The following PTPRE variants were observed in gnomAD, a reference collection of about 807,000 sequenced individuals.
PTPRE encodes the protein protein tyrosine phosphatase receptor type E, also known as receptor-type tyrosine-protein phosphatase epsilon.
Under a neutral mutation model 102.0 loss-of-function variants are expected in PTPRE, and 51 were observed. That is an observed-to-expected ratio of 0.50 (90% CI 0.40 to 0.63). PTPRE has a LOEUF of 0.63. Among genes scored for constraint, PTPRE ranks in the 30% least tolerant of loss-of-function variants. The probability of loss-of-function intolerance (pLI) is 0.00; values close to 1 mark genes in which losing one functional copy is unlikely to be tolerated. For missense variants in PTPRE, 752 were observed against 915.1 expected (o/e 0.82, Z 2.30); for synonymous variants, 345 against 348.2 (o/e 0.99, Z 0.10).
intron 9 of PTPRE, among the ~76,000 whole-genome samples, chr10:128,062,356 A>G (rs892209102): frequency 1.3e-5 from 2 of 152,210 alleles, no homozygotes; most frequent in Non-Finnish European, 2.9e-5. Flanking sequence ...AAGGACACAC[A>G]TGTGCACACG....
chr10:127,968,502 G>C (rs902349128), intron 1 of PTPRE, among the ~76,000 whole-genome samples: 2 of 152,254 alleles, frequency 1.3e-5, no homozygotes, highest in African/African-American at 2.4e-5. Flanking sequence ...CAGTCAGCCA[G>C]AGCTCAGGGC....
At chr10:128,082,791 T>C in intron 20 of PTPRE, 41 bp from the exon 21 acceptor site, 1 of 1,523,710 alleles carries the variant, frequency 6.6e-7, no homozygotes, top group Non-Finnish European at 8.7e-7. Context: ...AAATATATTT[T>C]TGGGAATATC....
chr10:127,921,558 GGTGATGCCAGGGAT>G (rs1846606703), intron 1 of PTPRE, among the ~76,000 whole-genome samples: 1 of 152,194 alleles, frequency 6.6e-6, no homozygotes, highest in Admixed American at 6.5e-5. Context: ...AACTGGGGGA[GGTGATGCCAGGGAT>G]GTGGACGTCT....
At chr10:127,939,822 A>G (rs985027294) in intron 1 of PTPRE, among the ~76,000 whole-genome samples, 17 of 115,192 alleles carry the variant, frequency 1.5e-4, no homozygotes, top group African/African-American at 1.3e-4. Context: ...GGAGACAGGA[A>G]GAAGCAGGTG....
intron 1 of PTPRE, among the ~76,000 whole-genome samples, chr10:127,963,522 T>C (rs1323857594): frequency 6.6e-6 from 1 of 152,224 alleles, no homozygotes; most frequent in African/African-American, 2.4e-5. Flanking sequence ...TTATGCTTTG[T>C]CTTTGATAAA....
chr10:128,085,713 A>G lies in PTPRE; in HGVS notation c.*2807A>G, dbSNP rs1316048025. 1 of 152,498 alleles carries G rather than the reference A, an allele frequency of 6.6e-6. No individual in the cohort carries two copies. The highest frequency in any genetic ancestry group is 1.5e-5 in the Non-Finnish European group (1 of 68,020). The allele number at this position is 152,498 out of a possible 1,614,324, so 9.4% of individuals were successfully genotyped here. On this transcript the variant is annotated 3_prime_UTR_variant, in exon 21 of 21. Transcript: ENST00000254667. ...ATGTATGTATGTTATTACAGTTTCA[A>G]CTATCATATTTTCTTTGATTACATT...
intron 6 of PTPRE, among the ~76,000 whole-genome samples, chr10:128,052,667 A>G (rs1304672222): frequency 6.6e-6 from 1 of 152,178 alleles, no homozygotes; most frequent in African/African-American, 2.4e-5. Context: ...TGGGCCAAGG[A>G]AAATCCCCCG....
At chr10:127,995,579 C>T (rs1429979729) in intron 2 of PTPRE, among the ~76,000 whole-genome samples, 1 of 152,182 alleles carries the variant, frequency 6.6e-6, no homozygotes, top group African/African-American at 2.4e-5. Flanking sequence ...CCAAGCCTTT[C>T]TGTGATTTCA....
chr10:128,027,033 T>A (rs1163680237), intron 2 of PTPRE, among the ~76,000 whole-genome samples: 3 of 152,202 alleles, frequency 2.0e-5, no homozygotes, highest in Admixed American at 6.5e-5. Flanking sequence ...ACAGGTGCAG[T>A]ATTAGATACA....
At chr10:127,918,358 A>G (rs1392111641) in intron 1 of PTPRE, among the ~76,000 whole-genome samples, 2 of 152,058 alleles carry the variant, frequency 1.3e-5, no homozygotes, top group African/African-American at 4.8e-5. Context: ...GGAGATCAAG[A>G]CCATCCTGGC....
At chr10:128,055,764 C>T (rs192093587) in intron 6 of PTPRE, among the ~76,000 whole-genome samples, 8 of 152,324 alleles carry the variant, frequency 5.3e-5, no homozygotes, top group African/African-American at 1.9e-4. Flanking sequence ...CTGTCGTAGT[C>T]AGTTCTTACC....
chr10:128,051,034 C>G (rs1359690813), intron 6 of PTPRE, among the ~76,000 whole-genome samples: 1 of 152,192 alleles, frequency 6.6e-6, no homozygotes, highest in East Asian at 1.9e-4. Flanking sequence ...TATTGAAAGA[C>G]AGCTTGAAGC....
chr10:128,039,467 G>A (rs893839962), intron 2 of PTPRE, among the ~76,000 whole-genome samples: 2 of 152,148 alleles, frequency 1.3e-5, no homozygotes, highest in African/African-American at 2.4e-5. Flanking sequence ...TAAAATGTGT[G>A]TTTTGGAAAT....
intron 17 of PTPRE, among the ~76,000 whole-genome samples, chr10:128,076,039 T>C (rs756096646): frequency 2.6e-5 from 4 of 152,266 alleles, no homozygotes; most frequent in Non-Finnish European, 4.4e-5. Context: ...GAAGTGAATG[T>C]TACTGTAATC....
At chr10:127,927,363 T>C (rs1847107022) in intron 1 of PTPRE, among the ~76,000 whole-genome samples, 1 of 152,232 alleles carries the variant, frequency 6.6e-6, no homozygotes, top group East Asian at 1.9e-4. Flanking sequence ...ACCAGAATCC[T>C]ACTCAATGTG....
rs961344568 is a variant in PTPRE, at chr10:128,076,841, A to C, written c.1725+113A>C. ...GGCCCTGCACCTGTCCTGCTCCTTC[A>C]CCTAGTCCCATTGGCTATGAATGGC... On this transcript the variant is annotated intron_variant, in intron 18 of 20. Transcript: ENST00000254667. The C allele has an allele frequency of 4.2e-6, 6 of 1,441,538 alleles. No individual in the cohort carries two copies. The African/African-American group carries it at 8.7e-5, about 21-fold the overall frequency. 89.3% of individuals were successfully genotyped at this position (1,441,538 alleles called of 1,614,324 possible).
chr10:128,003,891 G>A (rs568762578), intron 2 of PTPRE, among the ~76,000 whole-genome samples: 61 of 152,182 alleles, frequency 4.0e-4, no homozygotes, highest in African/African-American at 1.4e-3. Flanking sequence ...CCATTCGGAT[G>A]CTCCCATTTA....
chr10:127,931,485 C>G (rs1847438534), intron 1 of PTPRE, among the ~76,000 whole-genome samples: 1 of 152,224 alleles, frequency 6.6e-6, no homozygotes, highest in South Asian at 2.1e-4. Context: ...AGAAGCTGGC[C>G]TGTGATAGAA....
At chr10:127,954,364 A>G (rs1849250248) in intron 1 of PTPRE, among the ~76,000 whole-genome samples, 1 of 152,186 alleles carries the variant, frequency 6.6e-6, no homozygotes, top group African/African-American at 2.4e-5. Context: ...GTTGATTACA[A>G]TGCAGCACCT....
Sources: allele counts gnomAD v4.1 joint callset (sites outside exome capture counted in the v4.1 genomes callset), GRCh38; gene constraint gnomAD v4.1.1; transcripts MANE v1.5; gene names NCBI Gene and HGNC (gene_info 2026-07-23, HGNC 2026-07-21).